KSR2: variants seen among roughly 807,000 people sequenced by gnomAD.
The protein encoded by KSR2 is kinase suppressor of ras 2.
A neutral mutation model predicts 107.8 loss-of-function variants in KSR2; 25 were observed. The ratio of observed to expected loss-of-function variants is 0.23; its 90% CI spans 0.17 to 0.32. The LOEUF is 0.32. Among genes scored for constraint, KSR2 ranks in the 10% least tolerant of loss-of-function variants. KSR2 has a pLI of 1.00. For missense variants in KSR2, 887 were observed against 1,268.9 expected (o/e 0.70, Z 4.57); for synonymous variants, 480 against 507.0 (o/e 0.95, Z 0.71).
At position 117,963,445 on chromosome 12, in the gene KSR2, T is replaced by C. The variant is rs570646225; in HGVS notation, c.180+4631A>G. Reference sequence around the variant, plus strand: ...CAATACCTTGTCTCTATTTAAAAAATACAAAAAATTAGCCAAGCGTGGTGG... The same window carrying C: ...CAATACCTTGTCTCTATTTAAAAAACACAAAAAATTAGCCAAGCGTGGTGG... On this transcript the variant is annotated intron_variant, in intron 1 of 19. Coordinates refer to ENST00000339824, the MANE Select transcript of KSR2 (RefSeq NM_173598.6). 1.3e-3 allele frequency among the ~76,000 whole-genome samples: 190 copies of C among 151,706 alleles called. 1 individual carries two copies. The highest frequency in any genetic ancestry group is 4.3e-3 in the African/African-American group (179 of 41,386).
intron 4 of KSR2, among the ~76,000 whole-genome samples, chr12:117,721,765 T>C (rs1887215904): frequency 6.6e-6 from 1 of 152,236 alleles, no homozygotes; most frequent in Non-Finnish European, 1.5e-5. Context: ...ATTTCTTAAG[T>C]AGATGTCTGC....
At chr12:117,936,533 T>TGG (rs1555258978) in intron 1 of KSR2, among the ~76,000 whole-genome samples, 2 of 119,658 alleles carry the variant, frequency 1.7e-5, no homozygotes, top group Non-Finnish European at 3.5e-5. Context: ...ATTATTATTA[T>TGG]TAGTAGTAGT....
chr12:117,609,088 G>C (rs946117099), intron 5 of KSR2, among the ~76,000 whole-genome samples: 1 of 152,104 alleles, frequency 6.6e-6, no homozygotes, highest in South Asian at 2.1e-4. Flanking sequence ...GACACATCCA[G>C]GCTTGGGGAA....
At chr12:117,743,535 C>T (rs373185532) in intron 4 of KSR2, among the ~76,000 whole-genome samples, 12 of 152,342 alleles carry the variant, frequency 7.9e-5, no homozygotes, top group East Asian at 7.7e-4. Flanking sequence ...ATATGTTCCA[C>T]GCGCACACAC....
intron 5 of KSR2, among the ~76,000 whole-genome samples, chr12:117,592,555 G>A (rs774215831): frequency 2.0e-5 from 3 of 152,146 alleles, no homozygotes; most frequent in Non-Finnish European, 2.9e-5. Context: ...TGAGAAATGC[G>A]AATCCTAGAG....
intron 5 of KSR2, among the ~76,000 whole-genome samples, chr12:117,599,281 C>T (rs1445782767): frequency 6.6e-6 from 1 of 152,160 alleles, no homozygotes; most frequent in Non-Finnish European, 1.5e-5. Context: ...TGCAACTGCC[C>T]CTCTTGGCCC....
intron 1 of KSR2, among the ~76,000 whole-genome samples, chr12:117,953,764 A>G (rs2137579244): frequency 6.6e-6 from 1 of 152,336 alleles, no homozygotes; most frequent in South Asian, 2.1e-4. Flanking sequence ...TTATAAGTGT[A>G]CTTAAGGCCA....
intron 5 of KSR2, among the ~76,000 whole-genome samples, chr12:117,632,903 C>A (rs978498422): frequency 6.6e-6 from 1 of 152,160 alleles, no homozygotes; most frequent in Non-Finnish European, 1.5e-5. Context: ...TGTTCCATGG[C>A]GTACATGTAC....
chr12:117,571,190 C>T (rs1012127925), intron 7 of KSR2, among the ~76,000 whole-genome samples: 2 of 151,822 alleles, frequency 1.3e-5, no homozygotes, highest in Non-Finnish European at 2.9e-5. Context: ...TCCGGGTGGT[C>T]GAGGCTGCAG....
At chr12:117,735,943 C>T (rs1887920721) in intron 4 of KSR2, among the ~76,000 whole-genome samples, 1 of 152,162 alleles carries the variant, frequency 6.6e-6, no homozygotes, top group Non-Finnish European at 1.5e-5. Context: ...GCCCCTTATG[C>T]ATGACTTAGA....
intron 4 of KSR2, among the ~76,000 whole-genome samples, chr12:117,692,515 CAT>C (rs1464292054): frequency 0.011 from 1,252 of 114,132 alleles, 99 homozygotes; most frequent in African/African-American, 0.035. Flanking sequence ...TACACACACA[CAT>C]ATATATACAC....
chr12:117,575,392 T>C (rs531807426), intron 7 of KSR2, among the ~76,000 whole-genome samples: 35 of 152,342 alleles, frequency 2.3e-4, no homozygotes, highest in Admixed American at 2.3e-3. Context: ...ACACTTTCAT[T>C]TTATTGACAT....
intron 17 of KSR2, among the ~76,000 whole-genome samples, chr12:117,473,609 T>A (rs1319483411): frequency 6.6e-6 from 1 of 152,238 alleles, no homozygotes. Flanking sequence ...AACAGACTCA[T>A]CCACCACTCA....
At chr12:117,480,096 G>C (rs1473684915) in intron 16 of KSR2, among the ~76,000 whole-genome samples, 1 of 144,898 alleles carries the variant, frequency 6.9e-6, no homozygotes, top group Non-Finnish European at 1.5e-5. Context: ...GTTGAGACTA[G>C]AGCCCACAGT....
At position 117,968,830 on chromosome 12, in the gene KSR2, G is replaced by C. The variant is rs1051132680; in HGVS notation, c.-575C>G. 2.5e-5 allele frequency: 5 copies of C among 197,586 alleles called. No individual in the cohort carries two copies. The highest frequency in any genetic ancestry group is 1.2e-4 in the African/African-American group (5 of 41,702). The allele number at this position is 197,586 out of a possible 1,614,324, so 12.2% of individuals were successfully genotyped here. On this transcript the variant is annotated 5_prime_UTR_variant, in exon 1 of 20. Transcript: ENST00000339824. ...GAGTGCTTTAGCGCGTTCTCAAGGT[G>C]CTGTCTGCATTGCTCCCGCGGCTGC...
chr12:117,747,629 A>G (rs921155501), intron 4 of KSR2, among the ~76,000 whole-genome samples: 2 of 152,200 alleles, frequency 1.3e-5, no homozygotes, highest in Non-Finnish European at 2.9e-5. Context: ...TAATTAATTA[A>G]AAATGGGCAA....
At chr12:117,543,291 T>C (rs906006492) in intron 9 of KSR2, among the ~76,000 whole-genome samples, 5 of 152,238 alleles carry the variant, frequency 3.3e-5, no homozygotes, top group African/African-American at 9.6e-5. Flanking sequence ...TTTGGTATTG[T>C]CACTGTTTGT....
At position 117,484,650 on chromosome 12, in the gene KSR2, T is replaced by C. The variant is rs1872356638; in HGVS notation, c.2317-101A>G. Reference sequence around the variant, plus strand: ...TCCTTGTCCTGAAGACTTGGCTCCCTAATGGGACCACACTCAACAGAGGCA... The same window carrying C: ...TCCTTGTCCTGAAGACTTGGCTCCCCAATGGGACCACACTCAACAGAGGCA... On this transcript the variant is annotated intron_variant, in intron 15 of 19. Coordinates refer to ENST00000339824, the MANE Select transcript of KSR2 (RefSeq NM_173598.6). The C allele has an allele frequency of 1.8e-5, 22 of 1,197,196 alleles. 1 individual carries two copies. The South Asian group carries it at 2.1e-4, about 11-fold the overall frequency. The allele number at this position is 1,197,196 out of a possible 1,614,324, so 74.2% of individuals were successfully genotyped here. A position where few individuals can be genotyped will look rare whatever the true frequency, so the allele number is the denominator to read the frequency against.
intron 3 of KSR2, among the ~76,000 whole-genome samples, chr12:117,849,886 G>A (rs952110509): frequency 5.3e-5 from 8 of 152,198 alleles, no homozygotes; most frequent in African/African-American, 1.9e-4. Flanking sequence ...CTCACTTTGG[G>A]CCAGAATTTT....
Sources: allele counts gnomAD v4.1 joint callset (sites outside exome capture counted in the v4.1 genomes callset), GRCh38; gene constraint gnomAD v4.1.1; transcripts MANE v1.5; gene names NCBI Gene and HGNC (gene_info 2026-07-23, HGNC 2026-07-21).